Variants in SNX9 observed in about 807,000 individuals in gnomAD.
SNX9 encodes sorting nexin 9.
Under a neutral mutation model 89.4 loss-of-function variants are expected in SNX9, and 44 were observed. The ratio of observed to expected loss-of-function variants is 0.49; its 90% CI spans 0.39 to 0.63. SNX9 has a LOEUF of 0.63. Among genes scored for constraint, SNX9 ranks in the 30% least tolerant of loss-of-function variants. The pLI, the probability that SNX9 is intolerant of heterozygous loss-of-function variation, is 0.00. For synonymous variants in SNX9, 236 were observed against 247.8 expected, an observed-to-expected ratio of 0.95 and a Z score of 0.45; for missense variants, 578 against 736.1, an observed-to-expected ratio of 0.79 and a Z score of 2.49.
chr6:157,914,352 T>C (rs1783413069), intron 9 of SNX9, among the ~76,000 whole-genome samples: 1 of 152,138 alleles, frequency 6.6e-6, no homozygotes, highest in South Asian at 2.1e-4. Flanking sequence ...TTTCTTATTG[T>C]TGAATCCTGA....
rs746909411 is a variant in SNX9 at position 157,894,106 on chromosome 6, C to CTTTTTTTTTTTTTTT, written c.301-2714_301-2700dup. ...TTCTTTTTCTTTTCGCTTTTCTTTT[C>CTTTTTTTTTTTTTTT]TTTTTTTTTTTTTTTTTTTTTGAGA... On this transcript the variant is annotated intron_variant, in intron 4 of 17. Coordinates refer to ENST00000392185, the MANE Select transcript of SNX9 (RefSeq NM_016224.5). 3.1e-4 allele frequency among the ~76,000 whole-genome samples: 28 copies of CTTTTTTTTTTTTTTT among 89,530 alleles called. 3 individuals are homozygous for CTTTTTTTTTTTTTTT. The highest frequency in any genetic ancestry group is 4.5e-4 in the African/African-American group (10 of 21,992). 58.7% of individuals were successfully genotyped at this position (89,530 alleles called of 152,430 possible). A position where few individuals can be genotyped will look rare whatever the true frequency, so the allele number is the denominator to read the frequency against.
intron 1 of SNX9, among the ~76,000 whole-genome samples, chr6:157,834,190 C>G (rs1262572043): frequency 1.9e-5 from 1 of 52,234 alleles, no homozygotes; most frequent in Admixed American, 3.0e-4. Flanking sequence ...TTTTTTGAGT[C>G]AGGGTCTCTC....
intron 4 of SNX9, among the ~76,000 whole-genome samples, chr6:157,881,336 C>T (rs901176412): frequency 2.6e-5 from 4 of 152,116 alleles, no homozygotes; most frequent in African/African-American, 4.8e-5. Context: ...CTGTTCTACC[C>T]GCCAGCCATA....
chr6:157,909,980 G>T lies in SNX9; in HGVS notation c.904G>T (p.Gly302Trp). ...WLYERLLVKF[G>W]SAIPIPSLPD... ...ATATGAGCGTCTCCTGGTTAAGTTTGGGTCAGCCATTCCAATCCCTTCTCT... is the reference window on the plus strand; with the variant it reads ...ATATGAGCGTCTCCTGGTTAAGTTTTGGTCAGCCATTCCAATCCCTTCTCT... Residue 302 changes from glycine to tryptophan, a missense_variant, in exon 9 of 18, where the codon GGG (glycine) becomes TGG (tryptophan). Physicochemically the swap from Gly to Trp is radical, Grantham distance 184 (BLOSUM62 -2). Transcript: ENST00000392185. The T allele has an allele frequency of 6.2e-7, 1 of 1,614,108 alleles. No individual in the cohort carries two copies. The highest frequency in any genetic ancestry group is 1.1e-5 in the South Asian group (1 of 91,072).
intron 1 of SNX9, among the ~76,000 whole-genome samples, chr6:157,835,509 C>G (rs1163542185): frequency 6.6e-6 from 1 of 150,644 alleles, no homozygotes; most frequent in East Asian, 2.0e-4. Context: ...AACTCCCACA[C>G]TGAAGCAATC....
intron 1 of SNX9, among the ~76,000 whole-genome samples, chr6:157,840,496 CTCTT>C (rs375429157): frequency 9.5e-5 from 14 of 147,192 alleles, no homozygotes; most frequent in Admixed American, 6.8e-4. Flanking sequence ...CTCTTTCTTT[CTCTT>C]TCTTTCTTCT....
At position 157,937,593 on chromosome 6, in the gene SNX9, A is replaced by G. The variant is rs1783952488; in HGVS notation, c.1533+70A>G. 23 of 1,022,214 alleles carry G rather than the reference A, an allele frequency of 2.3e-5. No homozygotes were observed. The South Asian group carries it at 3.0e-4, about 13-fold the overall frequency. 63.3% of individuals were successfully genotyped at this position (1,022,214 alleles called of 1,614,324 possible). ...GAGGCAGATGTGCGCAGTAGTCAGT[A>G]TTGGTTTTATATGTTTATTATTAAA... On this transcript the variant is annotated intron_variant, in intron 15 of 17. Transcript: ENST00000392185.
intron 12 of SNX9, 43 bp from the exon 13 acceptor site, chr6:157,932,152 G>A (rs1346170372): frequency 6.4e-7 from 1 of 1,563,694 alleles, no homozygotes. Flanking sequence ...TCCCATTTCA[G>A]TTTGCTCAGA....
intron 13 of SNX9, chr6:157,934,151 A>G (rs1244015229): frequency 6.6e-6 from 1 of 152,252 alleles, no homozygotes; most frequent in African/African-American, 2.4e-5. Context: ...TTGTGATTAT[A>G]GTAAAAATAA....
chr6:157,908,704 A>G (rs1482240162), intron 7 of SNX9, among the ~76,000 whole-genome samples: 1 of 152,138 alleles, frequency 6.6e-6, no homozygotes, highest in Non-Finnish European at 1.5e-5. Flanking sequence ...ACCTATTGTC[A>G]CCTAGCAGTG....
chr6:157,885,754 A>T (rs1285804996), intron 4 of SNX9, among the ~76,000 whole-genome samples: 1 of 152,180 alleles, frequency 6.6e-6, no homozygotes, highest in Non-Finnish European at 1.5e-5. Flanking sequence ...AGATAATAAC[A>T]TAGAAAGTAG....
chr6:157,927,645 T>G (rs923657301), intron 11 of SNX9, among the ~76,000 whole-genome samples: 8 of 152,028 alleles, frequency 5.3e-5, no homozygotes, highest in Non-Finnish European at 1.5e-5. Flanking sequence ...AAATGCAGGG[T>G]CAGTTGAAAC....
chr6:157,874,973 C>T, intron 3 of SNX9, 78 bp from the exon 4 acceptor site: 1 of 1,476,732 alleles, frequency 6.8e-7, no homozygotes, highest in East Asian at 2.4e-5. Flanking sequence ...CCCTTTTTGA[C>T]AATTCTTGCT....
intron 1 of SNX9, among the ~76,000 whole-genome samples, chr6:157,854,780 A>G (rs1191229834): frequency 6.6e-6 from 1 of 152,140 alleles, no homozygotes; most frequent in Non-Finnish European, 1.5e-5. Context: ...TCTGTTTGCC[A>G]TCTAATCTGC....
chr6:157,910,289 A>G (rs948731140), intron 9 of SNX9, among the ~76,000 whole-genome samples: 3 of 152,262 alleles, frequency 2.0e-5, no homozygotes, highest in Non-Finnish European at 2.9e-5. Flanking sequence ...CATTGTCTTC[A>G]TTGCTGTACC....
chr6:157,867,483 C>A, intron 1 of SNX9, 64 bp from the exon 2 acceptor site: 2 of 1,303,026 alleles, frequency 1.5e-6, no homozygotes, highest in Non-Finnish European at 2.2e-6. Flanking sequence ...AACTGTACAC[C>A]TTTTGTGTTT....
intron 1 of SNX9, among the ~76,000 whole-genome samples, chr6:157,853,495 T>A (rs552804084): frequency 6.6e-6 from 1 of 152,204 alleles, no homozygotes; most frequent in Non-Finnish European, 1.5e-5. Context: ...TTTCACAAAT[T>A]GGAAATTTTT....
chr6:157,907,238 C>T (rs1013660669), intron 7 of SNX9, among the ~76,000 whole-genome samples: 3 of 151,962 alleles, frequency 2.0e-5, no homozygotes, highest in Admixed American at 6.6e-5. Context: ...TTTAAAACTC[C>T]TCAAAATCAA....
Position 157,836,362 on chromosome 6 carries a change from T to C in SNX9, c.12+12916T>C, listed in dbSNP as rs1029055704. The stretch of plus-strand genomic sequence containing the variant: ...TCAAACTCCCCTCTTCTCTGATTCA[T>C]TAGGACTCTCTTCTATACAGAAAGA... On this transcript the variant is annotated intron_variant, in intron 1 of 17. Transcript: ENST00000392185. 7.2e-5 allele frequency among the ~76,000 whole-genome samples: 11 copies of C among 152,182 alleles called. 1 individual carries two copies. The highest frequency in any genetic ancestry group is 7.2e-4 in the Admixed American group (11 of 15,280).
Sources: gnomAD v4.1 joint callset for allele counts (sites outside exome capture counted in the v4.1 genomes callset) on GRCh38, gnomAD v4.1.1 for gene constraint, MANE v1.5 for transcripts, NCBI Gene and HGNC (gene_info 2026-07-23, HGNC 2026-07-21) for gene names.